Variants in PAX8 observed in about 807,000 individuals in gnomAD.
The protein encoded by PAX8 is paired box 8.
A neutral mutation model predicts 52.4 loss-of-function variants in PAX8; 15 were observed. The observed-to-expected ratio is 0.29, with a 90% confidence interval of 0.19 to 0.44. The LOEUF (loss-of-function observed/expected upper bound fraction) is 0.44. PAX8 is among the 20% of genes least tolerant of loss of function. The pLI is 1.00. For synonymous variants in PAX8, 284 were observed against 249.7 expected, an observed-to-expected ratio of 1.14 and a Z score of -1.29; for missense variants, 554 against 602.5, an observed-to-expected ratio of 0.92 and a Z score of 0.84.
intron 3 of PAX8, among the ~76,000 whole-genome samples, chr2:113,245,480 G>GT (rs1691240332): frequency 6.6e-6 from 1 of 152,108 alleles, no homozygotes. Flanking sequence ...CTGGTCACTG[G>GT]TTTTCTATCA....
intron 2 of PAX8, among the ~76,000 whole-genome samples, chr2:113,261,652 A>G (rs1178471557): frequency 6.6e-6 from 1 of 152,120 alleles, no homozygotes; most frequent in Non-Finnish European, 1.5e-5. Flanking sequence ...TCACAGATTC[A>G]CCTCATGGCA....
At chr2:113,252,786 A>C (rs145215992) in intron 2 of PAX8, among the ~76,000 whole-genome samples, 48 of 152,286 alleles carry the variant, frequency 3.2e-4, no homozygotes, top group African/African-American at 9.9e-4. Context: ...CCCATTTAAA[A>C]ACATTACTTA....
At chr2:113,256,348 G>A (rs1441322878) in intron 2 of PAX8, among the ~76,000 whole-genome samples, 2 of 152,190 alleles carry the variant, frequency 1.3e-5, no homozygotes, top group Non-Finnish European at 2.9e-5. Flanking sequence ...GTGGAGCTGG[G>A]GATTGGATCT....
chr2:113,241,126 G>C (rs1690800137), intron 7 of PAX8: 1 of 331,754 alleles, frequency 3.0e-6, no homozygotes, highest in African/African-American at 2.1e-5. Context: ...GGTGAGCTCG[G>C]GGCCATGAGT....
At chr2:113,261,757 G>A (rs1338722412) in intron 2 of PAX8, among the ~76,000 whole-genome samples, 1 of 152,070 alleles carries the variant, frequency 6.6e-6, no homozygotes, top group Admixed American at 6.5e-5. Context: ...TTGGTAGAGT[G>A]GAGGAAGAAA....
At chr2:113,219,964 G>A in intron 11 of PAX8, 128 bp downstream of exon 11, 1 of 652,730 alleles carries the variant, frequency 1.5e-6, no homozygotes, top group Non-Finnish European at 2.7e-6. Flanking sequence ...ATCACAAACA[G>A]CACCATCTCC....
At chr2:113,245,648 TC>T (rs1691258347) in intron 3 of PAX8, among the ~76,000 whole-genome samples, 1 of 152,126 alleles carries the variant, frequency 6.6e-6, no homozygotes, top group African/African-American at 2.4e-5. Flanking sequence ...CTTTGGCAGA[TC>T]AACCGCCTGT....
At chr2:113,241,767 A>G (rs1477100954) in intron 6 of PAX8, 41 bp from the exon 7 acceptor site, 33 of 1,604,716 alleles carry the variant, frequency 2.1e-5, no homozygotes, top group Non-Finnish European at 2.6e-5. Flanking sequence ...TAGGGGACCT[A>G]TCTATTCATG....
Position 113,241,589 on chromosome 2 carries a change from C to T in PAX8, c.739G>A (p.Glu247Lys), listed in dbSNP as rs1486773850. 1 of 1,612,116 alleles carries T rather than the reference C, an allele frequency of 6.2e-7. No individual in the cohort carries two copies. The highest frequency in any genetic ancestry group is 2.2e-5 in the East Asian group (1 of 44,834). The change falls in exon 7 of 12, where the codon GAG becomes AAG. Residue 247 changes from glutamate (E) to lysine (K), a missense_variant. By Grantham distance (56) the Glu-to-Lys change is moderately conservative (BLOSUM62 1). Coordinates refer to ENST00000429538, the MANE Select transcript of PAX8 (RefSeq NM_003466.4). ...ECPFERQHYP[E>K]AYASPSHTKG... ...GTGTGGCTGGGGGAGGCATAGGCCT[C>T]TGGGTAGTGCTGCCGCTCAAATGGG... is the stretch of plus-strand genomic sequence containing the variant.
At chr2:113,276,529 C>A (rs1013396514) in intron 2 of PAX8, 1 of 152,190 alleles carries the variant, frequency 6.6e-6, no homozygotes, top group African/African-American at 2.4e-5. Context: ...AGTGGGAAAG[C>A]GCGCATCTCA....
At chr2:113,227,281 T>C in intron 9 of PAX8, 25 bp from the exon 10 acceptor site, 1 of 1,573,396 alleles carries the variant, frequency 6.4e-7, no homozygotes, top group East Asian at 2.3e-5. Flanking sequence ...CAAAGAGTCG[T>C]CAGTTGGACC....
intron 2 of PAX8, among the ~76,000 whole-genome samples, chr2:113,263,702 C>G (rs904380671): frequency 6.6e-6 from 1 of 152,034 alleles, no homozygotes; most frequent in East Asian, 1.9e-4. Flanking sequence ...GGAGGAGGCA[C>G]AGTGCAAAAA....
chr2:113,253,117 T>A (rs1391445957), intron 2 of PAX8, among the ~76,000 whole-genome samples: 1 of 152,188 alleles, frequency 6.6e-6, no homozygotes, highest in Admixed American at 6.5e-5. Context: ...TTAGTGACAA[T>A]CCCATCTCCT....
intron 10 of PAX8, among the ~76,000 whole-genome samples, chr2:113,224,806 TAAAATAAAATAAA>T (rs1445164174): frequency 7.2e-6 from 1 of 138,892 alleles, no homozygotes; most frequent in Non-Finnish European, 1.6e-5. Flanking sequence ...TAAAATAAAA[TAAAATAAAATAAA>T]AAAATAAAAT....
chr2:113,256,654 G>GTATA (rs759128116), intron 2 of PAX8, among the ~76,000 whole-genome samples: 20 of 67,288 alleles, frequency 3.0e-4, no homozygotes, highest in Non-Finnish European at 5.5e-4. Flanking sequence ...GTGTGTGTGT[G>GTATA]TATATATATA....
In PAX8 at chr2:113,235,546, G is replaced by C. The variant is rs371722512; in HGVS notation, c.935C>G (p.Pro312Arg). Reference sequence around the variant, plus strand: ...GGTGGAGCTAGAACTGGACACCTCGGGGGTTTCCTGCTTTATGGCGAAGGG... The same window carrying C: ...GGTGGAGCTAGAACTGGACACCTCGCGGGTTTCCTGCTTTATGGCGAAGGG... ...HSPFAIKQET[P>R]EVSSSSSTPS... Residue 312 changes from proline to arginine, a missense_variant, in exon 9 of 12, where the codon CCC becomes CGC. This residue lies in a region of PAX8 where 445 missense variants were observed against 409.9 expected (regional missense o/e 1.09). Transcript: ENST00000429538. 2 of 1,613,612 alleles carry C rather than the reference G, an allele frequency of 1.2e-6. No homozygotes were observed. Among genetic ancestry groups the C allele is most frequent in the African/African-American group, 1.3e-5 (1 of 74,904 alleles).
At position 113,235,290 on chromosome 2, in the gene PAX8, G is replaced by A. The variant is rs866789008; in HGVS notation, c.1087+104C>T. ...CCGGAGGAATTAGGGAACAGGGTGGGGGTGGATGAGACTGAGGCCAGAGAG... is the reference window on the plus strand; with the variant it reads ...CCGGAGGAATTAGGGAACAGGGTGGAGGTGGATGAGACTGAGGCCAGAGAG... On this transcript the variant is annotated intron_variant, in intron 9 of 11. Transcript: ENST00000429538. 4.3e-6 allele frequency: 4 copies of A among 931,554 alleles called. No homozygotes were observed. The Admixed American group carries it at 8.0e-5, about 19-fold the overall frequency. The allele number at this position is 931,554 out of a possible 1,614,324, so 57.7% of individuals were successfully genotyped here.
rs753658425 is a variant in PAX8, at chr2:113,246,771, G to C, written c.174C>G (p.Val58=). The C allele has an allele frequency of 1.2e-6, 2 of 1,613,062 alleles. No individual in the cohort carries two copies. The highest frequency in any genetic ancestry group is 2.7e-5 in the African/African-American group (2 of 74,928). The change falls in exon 3 of 12, where the codon GTC becomes GTG. Residue 58 remains valine, a synonymous_variant. Coordinates refer to ENST00000429538, the MANE Select transcript of PAX8 (RefSeq NM_003466.4). ...GTGCTTACCTGCCAAGGATCTTGCT[G>C]ACGCAGCCATGGCTGACGCGGAGCT... is the stretch of plus-strand genomic sequence containing the variant. ...SRQLRVSHGC[V]SKILGRYYET... is the part of the protein sequence containing the mutation.
intron 9 of PAX8, 149 bp downstream of exon 9, chr2:113,235,245 G>T (rs1690179586): frequency 1.1e-5 from 7 of 656,316 alleles, no homozygotes; most frequent in Non-Finnish European, 1.5e-5. Flanking sequence ...AGAACTTCAT[G>T]TTGGCGCCTC....
Sources: allele counts gnomAD v4.1 joint callset (sites outside exome capture counted in the v4.1 genomes callset), GRCh38; gene constraint gnomAD v4.1.1; regional missense constraint gnomAD v4.1.1; transcripts MANE v1.5; gene names NCBI Gene and HGNC (gene_info 2026-07-23, HGNC 2026-07-21).